IFT81: variants seen among roughly 807,000 people sequenced by gnomAD.
IFT81 encodes intraflagellar transport 81.
In IFT81, 72 loss-of-function variants were observed where a neutral mutation model predicts 102.6. That is an observed-to-expected ratio of 0.70 (90% CI 0.58 to 0.85). The LOEUF (loss-of-function observed/expected upper bound fraction) is 0.85, where lower values mean the gene tolerates loss of function less well. Among genes scored for constraint, IFT81 ranks in the 40% least tolerant of loss-of-function variants. The pLI is 0.00. For synonymous variants in IFT81, 237 were observed against 242.7 expected (o/e 0.98, Z 0.22); for missense variants, 723 against 787.3 (o/e 0.92, Z 0.98).
In IFT81 at chr12:110,135,427, A is replaced by C; in HGVS notation, c.686A>C (p.Gln229Pro). The change falls in exon 7 of 19, where the codon CAA (glutamine) becomes CCA (proline). Residue 229 changes from glutamine to proline, a missense_variant. Physicochemically the swap from Gln to Pro is moderately conservative, Grantham distance 76. Transcript: ENST00000242591. ...TATCTTGCACAACAGAAACAGGAAC[A>C]AAAGAATCAGGTATCCACATAAAAG... ...EEYLAQQKQE[Q>P]KNQLFHAVQR... 6.3e-7 allele frequency: 1 copy of C among 1,592,428 alleles called. No homozygotes were observed. The highest frequency in any genetic ancestry group is 8.6e-7 in the Non-Finnish European group (1 of 1,161,894).
At chr12:110,132,459 CAAAAAAAA>C (rs397964365) in intron 4 of IFT81, 80 bp from the exon 5 acceptor site, 2 of 325,538 alleles carry the variant, frequency 6.1e-6, no homozygotes, top group African/African-American at 8.1e-5. Context: ...GAGTCTGTCT[CAAAAAAAA>C]AAAAAAAAGA....
chr12:110,210,664 G>A lies in IFT81; in HGVS notation c.1848+1448G>A, dbSNP rs1026047894. On this transcript the variant is annotated intron_variant, in intron 18 of 18. Transcript: ENST00000242591. ...TAAGGTGGGAGGATTGCTTCAGCCT[G>A]GGGAGGCAATGCTGCAGTGAGCCGA... Among the ~76,000 whole-genome samples, 6 of 151,326 alleles carry A rather than the reference G, an allele frequency of 4.0e-5. No individual in the cohort carries two copies. The East Asian group carries it at 7.9e-4, about 20-fold the overall frequency.
In IFT81 at chr12:110,210,158, G is replaced by A. The variant is rs548141300; in HGVS notation, c.1848+942G>A. 1.4e-4 allele frequency among the ~76,000 whole-genome samples: 22 copies of A among 152,120 alleles called. No homozygotes were observed. In the South Asian group the frequency reaches 2.9e-3, roughly 20 times the overall value. Reference sequence around the variant, plus strand: ...TTCTTAGGAGAAAAAAAGAAAAAACGTATACTTACTAATAATTCAGAGGAA... The same window carrying A: ...TTCTTAGGAGAAAAAAAGAAAAAACATATACTTACTAATAATTCAGAGGAA... On this transcript the variant is annotated intron_variant, in intron 18 of 18. Transcript: ENST00000242591.
At chr12:110,161,779 T>A (rs1490306013) in intron 10 of IFT81, among the ~76,000 whole-genome samples, 2 of 152,072 alleles carry the variant, frequency 1.3e-5, no homozygotes, top group African/African-American at 4.8e-5. Context: ...GCTAGAATAG[T>A]TCTATGGAGT....
At chr12:110,172,916 G>A (rs1452669329) in intron 11 of IFT81, among the ~76,000 whole-genome samples, 16 of 149,756 alleles carry the variant, frequency 1.1e-4, no homozygotes, top group East Asian at 4.0e-4. Flanking sequence ...GTCTCCGCCC[G>A]GCAGCCGCCC....
intron 14 of IFT81, among the ~76,000 whole-genome samples, chr12:110,203,004 G>T (rs986101606): frequency 6.6e-6 from 1 of 152,038 alleles, no homozygotes; most frequent in South Asian, 2.1e-4. Context: ...GGTGGCTCAC[G>T]CTTGTAATCC....
chr12:110,194,088 A>G (rs1897905013), intron 14 of IFT81, among the ~76,000 whole-genome samples: 1 of 152,182 alleles, frequency 6.6e-6, no homozygotes, highest in Non-Finnish European at 1.5e-5. Flanking sequence ...AGATCTTATG[A>G]GAACTCACTC....
intron 14 of IFT81, among the ~76,000 whole-genome samples, 173 bp downstream of exon 14, chr12:110,192,879 A>G (rs1897857384): frequency 1.3e-5 from 2 of 152,210 alleles, no homozygotes; most frequent in South Asian, 4.1e-4. Context: ...CATGACATAC[A>G]GGCCAGGTGT....
At position 110,202,993 on chromosome 12, in the gene IFT81, C is replaced by T. The variant is rs1483176462; in HGVS notation, c.1558-871C>T. ...GAAATAAACCAGCATAGGCTGGGTG[C>T]GGTGGCTCACGCTTGTAATCCCAGC... On this transcript the variant is annotated intron_variant, in intron 14 of 18. Coordinates refer to ENST00000242591, the MANE Select transcript of IFT81 (RefSeq NM_014055.4). Among the ~76,000 whole-genome samples the T allele has an allele frequency of 3.9e-5, 6 of 151,998 alleles. No individual in the cohort carries two copies. The East Asian group carries it at 7.7e-4, about 20-fold the overall frequency.
intron 8 of IFT81, among the ~76,000 whole-genome samples, chr12:110,139,442 A>C (rs1329032816): frequency 6.6e-6 from 1 of 152,088 alleles, no homozygotes; most frequent in East Asian, 1.9e-4. Context: ...TGGGAGGCCA[A>C]GGTAAGAGGA....
chr12:110,209,182 C>A lies in IFT81; in HGVS notation c.1814C>A (p.Thr605Asn). 1 of 1,547,248 alleles carries A rather than the reference C, an allele frequency of 6.5e-7. No individual in the cohort carries two copies. Among genetic ancestry groups the A allele is most frequent in the East Asian group, 2.3e-5 (1 of 44,288 alleles). ...TGTTGACTCCCTAGGGAACAGTATA[C>A]CAAAAATACTGCTGAACAAGAAAAC... Reference protein sequence around the residue: ...EKRKAIREQYTKNTAEQENLG... With the variant: ...EKRKAIREQYNKNTAEQENLG... Residue 605 changes from threonine to asparagine, a missense_variant, in exon 18 of 19, where the codon ACC (threonine) becomes AAC (asparagine). Coordinates refer to ENST00000242591, the MANE Select transcript of IFT81 (RefSeq NM_014055.4).
chr12:110,151,764 C>A lies in IFT81; in HGVS notation c.1041+4716C>A, dbSNP rs75320028. ...TATACAAAGATCTCTTGAATTTATT[C>A]CCCCAACTGAAATTTTGTATCCTTT... On this transcript the variant is annotated intron_variant, in intron 10 of 18. Coordinates refer to ENST00000242591, the MANE Select transcript of IFT81 (RefSeq NM_014055.4). 6.9e-3 allele frequency among the ~76,000 whole-genome samples: 1,043 copies of A among 152,106 alleles called. 1 individual carries two copies. Among genetic ancestry groups the A allele is most frequent in the Non-Finnish European group, 9.4e-3 (642 of 67,960 alleles).
chr12:110,134,499 T>C (rs1199638520), intron 5 of IFT81, among the ~76,000 whole-genome samples: 1 of 152,228 alleles, frequency 6.6e-6, no homozygotes, highest in African/African-American at 2.4e-5. Flanking sequence ...TACAAACTTA[T>C]GTCATGAAAA....
At chr12:110,189,195 C>T (rs2137541346) in intron 12 of IFT81, among the ~76,000 whole-genome samples, 1 of 152,070 alleles carries the variant, frequency 6.6e-6, no homozygotes, top group South Asian at 2.1e-4. Flanking sequence ...TAGGCTTAGC[C>T]CTTGGATCTG....
chr12:110,170,422 GA>G (rs1254860499), intron 11 of IFT81, among the ~76,000 whole-genome samples: 1 of 152,224 alleles, frequency 6.6e-6, no homozygotes. Flanking sequence ...TCAGCTTGAA[GA>G]CTTTCTCTCA....
At chr12:110,194,137 C>T (rs4766491) in intron 14 of IFT81, among the ~76,000 whole-genome samples, 8,698 of 152,148 alleles carry the variant, frequency 0.057, 329 homozygotes, top group South Asian at 0.16. Flanking sequence ...GGTGCTAAAC[C>T]GTTCATGAGA....
chr12:110,154,034 A>G (rs1346654421), intron 10 of IFT81, among the ~76,000 whole-genome samples: 1 of 151,840 alleles, frequency 6.6e-6, no homozygotes, highest in East Asian at 1.9e-4. Context: ...CCTCGGCTGG[A>G]GTGCAGTGGC....
intron 11 of IFT81, 22 bp downstream of exon 11, chr12:110,163,087 G>A: frequency 6.2e-7 from 1 of 1,605,454 alleles, no homozygotes; most frequent in Non-Finnish European, 8.5e-7. Flanking sequence ...CATCTCATGG[G>A]ACAAGGGTAT....
At chr12:110,179,773 T>TAC (rs34207126) in intron 11 of IFT81, among the ~76,000 whole-genome samples, 3,147 of 49,958 alleles carry the variant, frequency 0.063, 255 homozygotes, top group East Asian at 0.14. Flanking sequence ...TATATATATA[T>TAC]ACACACACAC....
Sources: allele counts gnomAD v4.1 joint callset (sites outside exome capture counted in the v4.1 genomes callset), GRCh38; gene constraint gnomAD v4.1.1; transcripts MANE v1.5; gene names NCBI Gene and HGNC (gene_info 2026-07-23, HGNC 2026-07-21).